The following AFAP1 variants were observed in gnomAD, a reference collection of about 807,000 sequenced individuals.
AFAP1 encodes the protein actin filament associated protein 1.
Under a neutral mutation model 93.9 loss-of-function variants are expected in AFAP1, and 75 were observed. The observed-to-expected ratio is 0.80, with a 90% confidence interval of 0.66 to 0.97. The LOEUF (loss-of-function observed/expected upper bound fraction) is 0.97, where lower values mean the gene tolerates loss of function less well. Among genes scored for constraint, AFAP1 ranks in the 50% least tolerant of loss-of-function variants. The pLI, the probability that AFAP1 is intolerant of heterozygous loss-of-function variation, is 0.00. For missense variants in AFAP1, 1,201 were observed against 1,050.8 expected (o/e 1.14, Z -1.98); for synonymous variants, 517 against 430.7 (o/e 1.20, Z -2.48).
intron 6 of AFAP1, among the ~76,000 whole-genome samples, chr4:7,825,395 T>TA (rs1721333529): frequency 6.6e-6 from 1 of 152,008 alleles, no homozygotes; most frequent in Non-Finnish European, 1.5e-5. Context: ...CAAGGTGAAA[T>TA]AAAGAGCTAT....
chr4:7,759,339 T>C lies in AFAP1; in HGVS notation c.*4426A>G, dbSNP rs1208455443. 6.6e-6 allele frequency: 1 copy of C among 152,666 alleles called. No homozygotes were observed. Among genetic ancestry groups the C allele is most frequent in the Non-Finnish European group, 1.5e-5 (1 of 68,044 alleles). The allele number at this position is 152,666 out of a possible 1,614,324, so 9.5% of individuals were successfully genotyped here. A position where few individuals can be genotyped will look rare whatever the true frequency, so the allele number is the denominator to read the frequency against. ...TTCTGGAAGACCAAAGCCGGAACTA[T>C]TTCATGAACTACGGGCGAAAGGATG... is the stretch of plus-strand genomic sequence containing the variant. On this transcript the variant is annotated 3_prime_UTR_variant, in exon 18 of 18. Transcript: ENST00000420658.
chr4:7,882,846 A>G (rs1717931727), intron 1 of AFAP1, among the ~76,000 whole-genome samples: 1 of 151,492 alleles, frequency 6.6e-6, no homozygotes, highest in South Asian at 2.1e-4. Flanking sequence ...TGACAGAGCA[A>G]GACTCCATCT....
chr4:7,773,162 G>A, intron 15 of AFAP1, 152 bp from the exon 16 acceptor site: 1 of 1,202,528 alleles, frequency 8.3e-7, no homozygotes, highest in Non-Finnish European at 1.1e-6. Context: ...AAATTCAGCA[G>A]TTCTCTAAGG....
At chr4:7,870,534 G>A (rs1414199743) in intron 2 of AFAP1, among the ~76,000 whole-genome samples, 2 of 152,144 alleles carry the variant, frequency 1.3e-5, no homozygotes, top group Non-Finnish European at 2.9e-5. Flanking sequence ...GTGCACAAAT[G>A]TAGTCCCAGC....
At chr4:7,857,704 A>T (rs555696706) in intron 3 of AFAP1, among the ~76,000 whole-genome samples, 1 of 152,342 alleles carries the variant, frequency 6.6e-6, no homozygotes, top group East Asian at 1.9e-4. Context: ...AGTATCTTTT[A>T]TTCCTGAAAC....
chr4:7,892,318 A>G (rs1311226423), intron 1 of AFAP1, among the ~76,000 whole-genome samples: 2 of 152,192 alleles, frequency 1.3e-5, no homozygotes, highest in African/African-American at 2.4e-5. Flanking sequence ...CCATCAGAAC[A>G]TCTAAGGCTC....
chr4:7,855,631 T>A, intron 3 of AFAP1, 57 bp from the exon 4 acceptor site: 1 of 1,383,206 alleles, frequency 7.2e-7, no homozygotes, highest in Non-Finnish European at 1.0e-6. Context: ...AAGGAAATTC[T>A]GGATTTCCAA....
At chr4:7,917,222 C>G (rs1289101009) in intron 1 of AFAP1, among the ~76,000 whole-genome samples, 1 of 152,188 alleles carries the variant, frequency 6.6e-6, no homozygotes. Context: ...CTATCATTAC[C>G]TAGCACTCCA....
In AFAP1 at chr4:7,861,563, T is replaced by A. The variant is rs115773080; in HGVS notation, c.226-5989A>T. On this transcript the variant is annotated intron_variant, in intron 3 of 17. Coordinates refer to ENST00000420658, the MANE Select transcript of AFAP1 (RefSeq NM_001134647.2). ...GATTGTCTCACATATTTTCTTAAAG[T>A]TTCTCTCCTTTTACTTATGCATGAC... is the stretch of plus-strand genomic sequence containing the variant. Among the ~76,000 whole-genome samples the A allele has an allele frequency of 5.8e-3, 890 of 152,338 alleles. 7 individuals are homozygous for A. The highest frequency in any genetic ancestry group is 0.019 in the African/African-American group (778 of 41,562).
Position 7,769,015 on chromosome 4 carries a change from G to C in AFAP1, c.2254-7C>G. On this transcript the variant is annotated splice_region_variant and splice_polypyrimidine_tract_variant and intron_variant, in intron 16 of 17. Coordinates refer to ENST00000420658, the MANE Select transcript of AFAP1 (RefSeq NM_001134647.2). Reference sequence around the variant, plus strand: ...GGTGCCGGAACACTGGAGACTTAACGGAGAGAGAGAACCCCATGTGATGAG... The same window carrying C: ...GGTGCCGGAACACTGGAGACTTAACCGAGAGAGAGAACCCCATGTGATGAG... 3.1e-6 allele frequency: 5 copies of C among 1,599,620 alleles called. No homozygotes were observed. The highest frequency in any genetic ancestry group is 1.7e-4 in the Middle Eastern group (1 of 6,004).
chr4:7,885,366 G>A (rs971869508), intron 1 of AFAP1, among the ~76,000 whole-genome samples: 2 of 152,046 alleles, frequency 1.3e-5, no homozygotes, highest in Non-Finnish European at 1.5e-5. Context: ...GTGTCCCTGC[G>A]TCGTCCCACA....
chr4:7,856,410 T>C lies in AFAP1; in HGVS notation c.226-836A>G, dbSNP rs1037741882. 2.2e-4 allele frequency among the ~76,000 whole-genome samples: 34 copies of C among 152,024 alleles called. 1 individual carries two copies. The highest frequency in any genetic ancestry group is 2.6e-4 in the Admixed American group (4 of 15,274). ...GGCGCCCACCACCACACCCGGCTAA[T>C]TTTTGTATTTTTAGTAGAGACAGGG... On this transcript the variant is annotated intron_variant, in intron 3 of 17. Transcript: ENST00000420658.
chr4:7,813,447 T>G (rs1235087762), intron 8 of AFAP1, among the ~76,000 whole-genome samples: 1 of 152,192 alleles, frequency 6.6e-6, no homozygotes, highest in Admixed American at 6.5e-5. Context: ...ACAGGAGAAT[T>G]TTAAATACAG....
intron 1 of AFAP1, among the ~76,000 whole-genome samples, chr4:7,938,687 C>A (rs1436069622): frequency 6.6e-6 from 1 of 152,174 alleles, no homozygotes; most frequent in Admixed American, 6.5e-5. Context: ...AGAGTTTCTT[C>A]CACTCTCCAG....
intron 1 of AFAP1, among the ~76,000 whole-genome samples, chr4:7,887,348 C>A (rs1718195310): frequency 6.6e-6 from 1 of 152,046 alleles, no homozygotes. Flanking sequence ...AAACGTGATC[C>A]CAAGTTAGAG....
chr4:7,848,099 AGAAGGAAGGAAG>A (rs143271001), intron 4 of AFAP1, among the ~76,000 whole-genome samples: 4 of 116,120 alleles, frequency 3.4e-5, no homozygotes, highest in Middle Eastern at 4.1e-3. Context: ...AGGGAAGGAA[AGAAGGAAGGAAG>A]GAAGGAAGGA....
At chr4:7,838,434 G>C (rs2149105922) in intron 6 of AFAP1, 90 bp downstream of exon 6, 1 of 1,431,902 alleles carries the variant, frequency 7.0e-7, no homozygotes, top group East Asian at 2.5e-5. Flanking sequence ...GCCTATGCTT[G>C]AACAAAATTA....
intron 6 of AFAP1, among the ~76,000 whole-genome samples, chr4:7,825,014 T>G (rs887403664): frequency 3.3e-5 from 5 of 152,346 alleles, no homozygotes; most frequent in African/African-American, 1.2e-4. Context: ...ATAAAAGACT[T>G]GGCATTTGTA....
intron 14 of AFAP1, chr4:7,775,620 G>C (rs1716022672): frequency 6.6e-6 from 1 of 152,210 alleles, no homozygotes; most frequent in African/African-American, 2.4e-5. Context: ...TGCTTGTTTA[G>C]TGAATAAATG....
Sources: allele counts gnomAD v4.1 joint callset (sites outside exome capture counted in the v4.1 genomes callset), GRCh38; gene constraint gnomAD v4.1.1; transcripts MANE v1.5; gene names NCBI Gene and HGNC (gene_info 2026-07-23, HGNC 2026-07-21).